DAGLB: variants seen among roughly 807,000 people sequenced by gnomAD.
DAGLB encodes the protein diacylglycerol lipase-beta.
DAGLB carries 66 observed loss-of-function variants against 72.1 expected under a neutral mutation model. The observed-to-expected ratio is 0.92, with a 90% confidence interval of 0.75 to 1.12. The LOEUF is 1.12. Ranked by LOEUF, DAGLB falls within the 50% of genes most tolerant of loss-of-function variation. DAGLB has a pLI of 0.00. For synonymous variants in DAGLB, 414 were observed against 359.5 expected (o/e 1.15, Z -1.71); for missense variants, 1,065 against 884.9 (o/e 1.20, Z -2.58).
chr7:6,444,640 G>C (rs916954327), intron 2 of DAGLB, among the ~76,000 whole-genome samples: 1 of 152,114 alleles, frequency 6.6e-6, no homozygotes, highest in Admixed American at 6.6e-5. Flanking sequence ...CAATAGCCTA[G>C]TCTAAAATTG....
chr7:6,443,773 A>C (rs1784910238), intron 2 of DAGLB, among the ~76,000 whole-genome samples: 1 of 152,138 alleles, frequency 6.6e-6, no homozygotes, highest in Admixed American at 6.6e-5. Context: ...AAGGACTAAA[A>C]CATGGCGGAT....
intron 11 of DAGLB, among the ~76,000 whole-genome samples, chr7:6,415,896 G>A (rs1783895185): frequency 2.0e-5 from 3 of 151,626 alleles, no homozygotes; most frequent in Admixed American, 2.0e-4. Flanking sequence ...CTTTAAACAT[G>A]TGCATTATGC....
In DAGLB at chr7:6,447,792, G is replaced by C. The variant is rs1450450834; in HGVS notation, c.51C>G (p.Asp17Glu). Reference sequence around the variant, plus strand: ...GCTCGAAGAACCCTGGGAAGACCAAGTCGTCGCTGGCGATGGCCCAGCGCC... The same window carrying C: ...GCTCGAAGAACCCTGGGAAGACCAACTCGTCGCTGGCGATGGCCCAGCGCC... ...FGRRWAIASD[D>E]LVFPGFFELV... The change falls in exon 1 of 15, where the codon GAC (aspartate) becomes GAG (glutamate). Residue 17 changes from aspartate (D) to glutamate (E), a missense_variant. Coordinates refer to ENST00000297056, the MANE Select transcript of DAGLB (RefSeq NM_139179.4). The C allele has an allele frequency of 1.2e-6, 2 of 1,613,584 alleles. No individual in the cohort carries two copies.
intron 6 of DAGLB, among the ~76,000 whole-genome samples, 168 bp from the exon 7 acceptor site, chr7:6,426,282 CTGAT>C (rs2115265760): frequency 6.6e-6 from 1 of 152,288 alleles, no homozygotes; most frequent in South Asian, 2.1e-4. Context: ...GATCGACTGA[CTGAT>C]TGAGATGGAG....
intron 2 of DAGLB, 110 bp from the exon 3 acceptor site, chr7:6,436,643 C>CT: frequency 7.5e-7 from 1 of 1,339,806 alleles, no homozygotes; most frequent in Non-Finnish European, 1.0e-6. Context: ...TGTGCACACC[C>CT]GCCTCCTGAC....
chr7:6,424,913 T>A (rs1028946789), intron 7 of DAGLB, 78 bp from the exon 8 acceptor site: 1 of 1,444,652 alleles, frequency 6.9e-7, no homozygotes, highest in African/African-American at 1.4e-5. Context: ...CCCTGCAGTG[T>A]CTGCAATGAC....
intron 6 of DAGLB, among the ~76,000 whole-genome samples, chr7:6,427,516 G>C (rs893577254): frequency 1.3e-5 from 2 of 152,076 alleles, no homozygotes; most frequent in Non-Finnish European, 2.9e-5. Context: ...AAATTATCTG[G>C]GTCTGGCAGT....
At chr7:6,432,473 C>T (rs112973608) in intron 5 of DAGLB, among the ~76,000 whole-genome samples, 52 of 149,224 alleles carry the variant, frequency 3.5e-4, no homozygotes, top group African/African-American at 1.2e-3. Context: ...CTGGCTAACA[C>T]GGTGAAACCC....
intron 5 of DAGLB, 118 bp from the exon 6 acceptor site, chr7:6,430,725 G>C (rs894349524): frequency 1.7e-6 from 2 of 1,173,862 alleles, no homozygotes; most frequent in African/African-American, 3.1e-5. Context: ...TCGTTGAATA[G>C]AACTCTCAGA....
chr7:6,430,299 G>A (rs1256157118), intron 6 of DAGLB, among the ~76,000 whole-genome samples, 181 bp downstream of exon 6: 2 of 113,978 alleles, frequency 1.8e-5, no homozygotes, highest in East Asian at 3.4e-4. Context: ...GGGAGGGAGG[G>A]AGGGAGAGAG....
chr7:6,435,221 C>T lies in DAGLB; in HGVS notation c.420-201G>A, dbSNP rs1275441937. The stretch of plus-strand genomic sequence containing the variant: ...TTCCTTATGAGGCTGGGCATGGTGG[C>T]TCACACCTGTAATCCCAGCACTTTG... On this transcript the variant is annotated intron_variant, in intron 3 of 14. Transcript: ENST00000297056. 2.0e-5 allele frequency among the ~76,000 whole-genome samples: 3 copies of T among 152,274 alleles called. No homozygotes were observed. In the East Asian group the frequency reaches 5.8e-4, roughly 29 times the overall value.
intron 4 of DAGLB, 29 bp from the exon 5 acceptor site, chr7:6,432,988 T>C (rs1177207534): frequency 6.2e-7 from 1 of 1,607,534 alleles, no homozygotes; most frequent in Non-Finnish European, 8.5e-7. Flanking sequence ...TGGCCTGTCA[T>C]AAAACCCAGC....
intron 11 of DAGLB, 118 bp downstream of exon 11, chr7:6,416,509 C>G: frequency 6.8e-7 from 1 of 1,468,244 alleles, no homozygotes; most frequent in Non-Finnish European, 9.1e-7. Flanking sequence ...CGCCACTGCA[C>G]TCCAGCCTGG....
At chr7:6,433,849 C>T (rs1784568296) in intron 4 of DAGLB, among the ~76,000 whole-genome samples, 1 of 91,304 alleles carries the variant, frequency 1.1e-5, no homozygotes, top group Non-Finnish European at 1.9e-5. Context: ...GAGACCTTGT[C>T]TCAAAAAAAA....
Position 6,447,799 on chromosome 7 carries a change from C to G in DAGLB, c.44G>C (p.Ser15Thr). 1 of 1,613,638 alleles carries G rather than the reference C, an allele frequency of 6.2e-7. No individual in the cohort carries two copies. The highest frequency in any genetic ancestry group is 8.5e-7 in the Non-Finnish European group (1 of 1,179,842). Reference protein sequence around the residue: ...VLFGRRWAIASDDLVFPGFFE... With the variant: ...VLFGRRWAIATDDLVFPGFFE... ...GAACCCTGGGAAGACCAAGTCGTCG[C>G]TGGCGATGGCCCAGCGCCGGCCGAA... Residue 15 changes from serine (S) to threonine (T), a missense_variant, in exon 1 of 15, where the codon AGC becomes ACC. By Grantham distance (58) the Ser-to-Thr change is moderately conservative (BLOSUM62 1). Transcript: ENST00000297056.
intron 2 of DAGLB, among the ~76,000 whole-genome samples, chr7:6,440,587 A>C (rs551876854): frequency 7.6e-4 from 116 of 151,930 alleles, no homozygotes; most frequent in African/African-American, 2.7e-3. Flanking sequence ...TTTACGAAAC[A>C]AAAGGGACAA....
chr7:6,441,715 C>T (rs1186877270), intron 2 of DAGLB, among the ~76,000 whole-genome samples: 1 of 152,152 alleles, frequency 6.6e-6, no homozygotes, highest in Non-Finnish European at 1.5e-5. Flanking sequence ...CCGCGCCTGG[C>T]CTTCAATACA....
chr7:6,431,555 T>C (rs1488102640), intron 5 of DAGLB, among the ~76,000 whole-genome samples: 1 of 152,106 alleles, frequency 6.6e-6, no homozygotes, highest in African/African-American at 2.4e-5. Flanking sequence ...GCAAATCACT[T>C]GAGGCTAAGA....
intron 6 of DAGLB, among the ~76,000 whole-genome samples, chr7:6,429,752 T>C (rs1338521675): frequency 6.6e-6 from 1 of 151,364 alleles, no homozygotes; most frequent in Non-Finnish European, 1.5e-5. Context: ...AATAGAAAAT[T>C]AGCCGGGTGT....
Sources: allele counts gnomAD v4.1 joint callset (sites outside exome capture counted in the v4.1 genomes callset), GRCh38; gene constraint gnomAD v4.1.1; transcripts MANE v1.5; gene names NCBI Gene and HGNC (gene_info 2026-07-23, HGNC 2026-07-21).